The following HAPLN1 variants were observed in gnomAD, a reference collection of about 807,000 sequenced individuals.
HAPLN1 encodes the protein hyaluronan and proteoglycan link protein 1.
In HAPLN1, 13 loss-of-function variants were observed where a neutral mutation model predicts 36.5. The observed-to-expected ratio is 0.36, with a 90% CI of 0.23 to 0.57. The LOEUF is 0.57. Among genes scored for constraint, HAPLN1 ranks in the 20% least tolerant of loss-of-function variants. The pLI is 0.83. For synonymous variants in HAPLN1, 202 were observed against 169.8 expected (o/e 1.19, Z -1.48); for missense variants, 407 against 439.7 (o/e 0.93, Z 0.66).
chr5:83,652,359 A>T, intron 3 of HAPLN1, 94 bp downstream of exon 3: 2 of 1,306,982 alleles, frequency 1.5e-6, no homozygotes, highest in Non-Finnish European at 2.1e-6. Context: ...TTTTCACTTT[A>T]TTACTGTGTT....
At chr5:83,708,886 T>C (rs927912632) in intron 1 of HAPLN1, among the ~76,000 whole-genome samples, 2 of 152,150 alleles carry the variant, frequency 1.3e-5, no homozygotes, top group African/African-American at 4.8e-5. Flanking sequence ...CTTTTCTTTT[T>C]TTCTGTTTTT....
intron 1 of HAPLN1, among the ~76,000 whole-genome samples, chr5:83,688,203 C>T (rs1361746901): frequency 6.6e-6 from 1 of 152,162 alleles, no homozygotes; most frequent in Non-Finnish European, 1.5e-5. Flanking sequence ...CTTGCTTCTC[C>T]ACTAATGCCT....
chr5:83,692,290 T>C (rs1751295466), intron 1 of HAPLN1, among the ~76,000 whole-genome samples: 1 of 151,792 alleles, frequency 6.6e-6, no homozygotes, highest in African/African-American at 2.4e-5. Flanking sequence ...TTTCAGCAAA[T>C]ATTCTAGCAC....
Position 83,644,390 on chromosome 5 carries a change from C to T in HAPLN1, c.748G>A (p.Val250Ile), listed in dbSNP as rs762520918. Residue 250 changes from valine to isoleucine, a missense_variant, in exon 4 of 5, where the codon GTT becomes ATT. Physicochemically the swap from Val to Ile is conservative, Grantham distance 29. Transcript: ENST00000274341. ...TTGAAATTGGATGTAAAACAGAAAA[C>T]ATCATATCTGCTTTTATCTTTATCC... ...FWDKDKSRYD[V>I]FCFTSNFNGR... The T allele has an allele frequency of 1.9e-6, 3 of 1,579,748 alleles. No homozygotes were observed. The highest frequency in any genetic ancestry group is 2.6e-6 in the Non-Finnish European group (3 of 1,164,990).
chr5:83,688,934 A>T (rs1416065754), intron 1 of HAPLN1, among the ~76,000 whole-genome samples: 1 of 152,112 alleles, frequency 6.6e-6, no homozygotes, highest in African/African-American at 2.4e-5. Context: ...TCCATATTTG[A>T]TGAGGCTGAG....
chr5:83,641,859 C>T (rs960169272), intron 4 of HAPLN1, 74 bp from the exon 5 acceptor site: 4 of 1,461,058 alleles, frequency 2.7e-6, no homozygotes, highest in East Asian at 2.3e-5. Context: ...GAGCCAAAAA[C>T]GGAAGTGTTT....
In HAPLN1 at chr5:83,640,749, A is replaced by C. The variant is rs534463759; in HGVS notation, c.*747T>G. 6.6e-6 allele frequency: 1 copy of C among 152,110 alleles called. No homozygotes were observed. Among genetic ancestry groups the C allele is most frequent in the South Asian group, 2.1e-4 (1 of 4,826 alleles). 9.4% of individuals were successfully genotyped at this position (152,110 alleles called of 1,614,324 possible). ...ACTCGGTAAAGCTACTCAAAAGATA[A>C]AACAATTCCTCTTAGACATGTGTAA... On this transcript the variant is annotated 3_prime_UTR_variant, in exon 5 of 5. Coordinates refer to ENST00000274341, the MANE Select transcript of HAPLN1 (RefSeq NM_001884.4).
intron 1 of HAPLN1, among the ~76,000 whole-genome samples, chr5:83,678,881 T>G (rs1479844060): frequency 1.3e-5 from 2 of 152,184 alleles, no homozygotes; most frequent in East Asian, 3.8e-4. Context: ...GAACTATAGT[T>G]CTCAGATCCA....
intron 2 of HAPLN1, among the ~76,000 whole-genome samples, chr5:83,662,997 G>A (rs142472349): frequency 1.2e-3 from 181 of 152,320 alleles, no homozygotes; most frequent in Middle Eastern, 0.01. Context: ...CCTACAATGG[G>A]TCAGGTAATA....
intron 2 of HAPLN1, among the ~76,000 whole-genome samples, chr5:83,655,365 A>C (rs921298871): frequency 1.3e-5 from 2 of 151,730 alleles, no homozygotes; most frequent in Non-Finnish European, 2.9e-5. Context: ...TTTTTGTTTT[A>C]TTTCTACTCC....
chr5:83,684,653 G>A (rs1488331306), intron 1 of HAPLN1, among the ~76,000 whole-genome samples: 1 of 152,184 alleles, frequency 6.6e-6, no homozygotes, highest in South Asian at 2.1e-4. Context: ...ACTACATGGA[G>A]CTCGTGTAGT....
At chr5:83,700,256 C>T (rs1469344134) in intron 1 of HAPLN1, among the ~76,000 whole-genome samples, 1 of 150,582 alleles carries the variant, frequency 6.6e-6, no homozygotes, top group Admixed American at 6.6e-5. Context: ...CATGTATCTA[C>T]TCTGATACTG....
In HAPLN1 at chr5:83,682,311, A is replaced by G. The variant is rs534302429; in HGVS notation, c.-26-8762T>C. 8.5e-5 allele frequency: 13 copies of G among 152,310 alleles called. No individual in the cohort carries two copies. The South Asian group carries it at 2.7e-3, about 32-fold the overall frequency. The allele number at this position is 152,310 out of a possible 1,614,324, so 9.4% of individuals were successfully genotyped here. ...CTAAAGTAGTTAATGAACAACAAGA[A>G]TCAGGCAACTCACACATATTTTAAA... is the stretch of plus-strand genomic sequence containing the variant. On this transcript the variant is annotated intron_variant, in intron 1 of 4. Coordinates refer to ENST00000274341, the MANE Select transcript of HAPLN1 (RefSeq NM_001884.4).
chr5:83,719,282 G>A (rs1308623193), intron 1 of HAPLN1, among the ~76,000 whole-genome samples: 3 of 152,198 alleles, frequency 2.0e-5, no homozygotes, highest in Non-Finnish European at 2.9e-5. Context: ...AGGCATTCCT[G>A]TCGAGAATAC....
intron 1 of HAPLN1, among the ~76,000 whole-genome samples, chr5:83,701,844 T>C (rs1751513842): frequency 6.6e-6 from 1 of 151,938 alleles, no homozygotes; most frequent in Admixed American, 6.6e-5. Context: ...GAGAATTGCT[T>C]GAACCCGGGA....
chr5:83,708,697 C>A (rs969772799), intron 1 of HAPLN1, among the ~76,000 whole-genome samples: 5 of 151,956 alleles, frequency 3.3e-5, no homozygotes, highest in Admixed American at 2.6e-4. Context: ...TTACATGTAT[C>A]CACTAAACTA....
intron 1 of HAPLN1, among the ~76,000 whole-genome samples, chr5:83,695,056 G>A (rs1751360278): frequency 6.6e-6 from 1 of 151,886 alleles, no homozygotes; most frequent in African/African-American, 2.4e-5. Flanking sequence ...GATATAAAAT[G>A]GATTAATACA....
intron 1 of HAPLN1, 57 bp from the exon 2 acceptor site, chr5:83,673,606 G>T (rs1298897702): frequency 3.2e-6 from 3 of 932,498 alleles, no homozygotes; most frequent in South Asian, 1.4e-5. Flanking sequence ...TTGGAGTGTT[G>T]CACTGCACAA....
chr5:83,641,829 G>A (rs1385679174), intron 4 of HAPLN1, 44 bp from the exon 5 acceptor site: 4 of 1,576,774 alleles, frequency 2.5e-6, no homozygotes, highest in Non-Finnish European at 3.5e-6. Flanking sequence ...GTCTTCAATT[G>A]AGCCACACAG....
Sources: gnomAD v4.1 joint callset for allele counts (sites outside exome capture counted in the v4.1 genomes callset) on GRCh38, gnomAD v4.1.1 for gene constraint, MANE v1.5 for transcripts, NCBI Gene and HGNC (gene_info 2026-07-23, HGNC 2026-07-21) for gene names.